USP3: variants seen among roughly 807,000 people sequenced by gnomAD.
The protein encoded by USP3 is ubiquitin specific peptidase 3, also known as ubiquitin carboxyl-terminal hydrolase 3.
USP3 carries 20 observed loss-of-function variants against 72.3 expected under a neutral mutation model. The ratio of observed to expected loss-of-function variants is 0.28; its 90% CI spans 0.19 to 0.40. The LOEUF (loss-of-function observed/expected upper bound fraction) is 0.40. Among genes scored for constraint, USP3 ranks in the 10% least tolerant of loss-of-function variants. The pLI is 1.00. For synonymous variants in USP3, 222 were observed against 225.3 expected, an observed-to-expected ratio of 0.99 and a Z score of 0.13; for missense variants, 479 against 633.9, an observed-to-expected ratio of 0.76 and a Z score of 2.62.
chr15:63,517,933 C>G (rs1050758004), intron 1 of USP3, among the ~76,000 whole-genome samples: 3 of 152,140 alleles, frequency 2.0e-5, no homozygotes, highest in Non-Finnish European at 4.4e-5. Context: ...GCTTTGGTTA[C>G]CTCACACTGT....
intron 1 of USP3, among the ~76,000 whole-genome samples, chr15:63,506,409 A>G (rs59307192): frequency 0.024 from 3,620 of 152,240 alleles, 137 homozygotes; most frequent in African/African-American, 0.08. Flanking sequence ...GGAGAAGCCT[A>G]CCTCACAGGG....
chr15:63,512,781 G>A (rs1229368836), intron 1 of USP3, among the ~76,000 whole-genome samples: 2 of 152,284 alleles, frequency 1.3e-5, no homozygotes, highest in Middle Eastern at 3.4e-3. Context: ...TATCTTTTCA[G>A]TGTGTGCTCT....
Position 63,529,944 on chromosome 15 carries a change from C to A in USP3, c.92-2703C>A, listed in dbSNP as rs1052421746. Reference sequence around the variant, plus strand: ...CTAAGGGATTCAAGACCAGTCTAGGCAACATAGTGAGACCCTGTCTCTACC... The same window carrying A: ...CTAAGGGATTCAAGACCAGTCTAGGAAACATAGTGAGACCCTGTCTCTACC... On this transcript the variant is annotated intron_variant, in intron 1 of 14. Transcript: ENST00000380324. This position sits in a 1 kb window ranked among gnomAD's most constrained non-coding sequence, Gnocchi z 4.2. Among the ~76,000 whole-genome samples, 1 of 152,090 alleles carries A rather than the reference C, an allele frequency of 6.6e-6. No homozygotes were observed. Among genetic ancestry groups the A allele is most frequent in the Non-Finnish European group, 1.5e-5 (1 of 67,998 alleles).
In USP3 at chr15:63,590,931, C is replaced by CTATT. The variant is rs764481231; in HGVS notation, c.*107_*110dup. 7.3e-7 allele frequency: 1 copy of CTATT among 1,364,784 alleles called. No homozygotes were observed. The highest frequency in any genetic ancestry group is 9.6e-7 in the Non-Finnish European group (1 of 1,039,816). 84.5% of individuals were successfully genotyped at this position (1,364,784 alleles called of 1,614,324 possible). ...ATTTCATTATGCACTTTTCAATTTC[C>CTATT]TATTTTGGATTTAGTTTTGTCAATG... On this transcript the variant is annotated 3_prime_UTR_variant, in exon 15 of 15. Transcript: ENST00000380324.
intron 11 of USP3, among the ~76,000 whole-genome samples, chr15:63,575,858 GAATTA>G (rs1040974333): frequency 6.6e-5 from 10 of 151,842 alleles, no homozygotes; most frequent in South Asian, 2.1e-4. Flanking sequence ...AAGTCAGTGA[GAATTA>G]AATTAAAGGA....
chr15:63,519,333 CTT>C (rs912507436), intron 1 of USP3, among the ~76,000 whole-genome samples: 1 of 143,584 alleles, frequency 7.0e-6, no homozygotes. Flanking sequence ...TGGCTTTTGG[CTT>C]TTTTTTTTTC....
At position 63,537,149 on chromosome 15, in the gene USP3, A is replaced by G. The variant is rs1374811990; in HGVS notation, c.277A>G (p.Thr93Ala). Reference protein sequence around the residue: ...TVCMDCSSYSTYCYRCDDFVV... With the variant: ...TVCMDCSSYSAYCYRCDDFVV... ...ATGTATGGATTGCAGTAGCTACAGTACATACTGGTAAGTTAACATTTTCTG... is the reference window on the plus strand; with the variant it reads ...ATGTATGGATTGCAGTAGCTACAGTGCATACTGGTAAGTTAACATTTTCTG... The change falls in exon 3 of 15, where the codon ACA becomes GCA. Residue 93 changes from threonine to alanine, a missense_variant. Thr to Ala is a moderately conservative substitution (Grantham distance 58). Coordinates refer to ENST00000380324, the MANE Select transcript of USP3 (RefSeq NM_006537.4). 2 of 1,610,990 alleles carry G rather than the reference A, an allele frequency of 1.2e-6. No individual in the cohort carries two copies. The highest frequency in any genetic ancestry group is 1.7e-6 in the Non-Finnish European group (2 of 1,179,074).
chr15:63,535,774 C>T (rs550105533), intron 2 of USP3, among the ~76,000 whole-genome samples: 7 of 152,310 alleles, frequency 4.6e-5, no homozygotes, highest in Admixed American at 2.6e-4. Flanking sequence ...TTCCCAGTTA[C>T]GGTAACTCTC....
chr15:63,581,813 G>T (rs1001851763), intron 11 of USP3, among the ~76,000 whole-genome samples: 44 of 151,992 alleles, frequency 2.9e-4, no homozygotes, highest in Non-Finnish European at 3.1e-4. Context: ...TCCCACCTCA[G>T]TCTCCTGGGA....
chr15:63,534,974 C>G (rs192429139), intron 2 of USP3, among the ~76,000 whole-genome samples: 2 of 152,186 alleles, frequency 1.3e-5, no homozygotes, highest in Non-Finnish European at 2.9e-5. Context: ...CTCTGTCACC[C>G]AGGCTGCAGT....
intron 1 of USP3, among the ~76,000 whole-genome samples, chr15:63,523,035 A>G (rs1387435913): frequency 2.0e-5 from 3 of 152,258 alleles, no homozygotes; most frequent in South Asian, 4.1e-4. Context: ...TCTAAAATGC[A>G]TTTTTCCTGA....
At chr15:63,514,810 T>C (rs925580618) in intron 1 of USP3, among the ~76,000 whole-genome samples, 12 of 152,192 alleles carry the variant, frequency 7.9e-5, no homozygotes, top group Admixed American at 3.9e-4. Flanking sequence ...GTGTTTACAT[T>C]TATGACCTGA....
intron 3 of USP3, among the ~76,000 whole-genome samples, chr15:63,545,277 G>T (rs1014531485): frequency 9.2e-5 from 14 of 152,006 alleles, no homozygotes; most frequent in Non-Finnish European, 2.1e-4. Context: ...TCTTTTTTCA[G>T]TGCACGGTAG....
Position 63,590,884 on chromosome 15 carries a change from C to T in USP3, c.*58C>T. 6.7e-7 allele frequency: 1 copy of T among 1,502,874 alleles called. No homozygotes were observed. Among genetic ancestry groups the T allele is most frequent in the Admixed American group, 2.2e-5 (1 of 45,454 alleles). The allele number at this position is 1,502,874 out of a possible 1,614,324, so 93.1% of individuals were successfully genotyped here. On this transcript the variant is annotated 3_prime_UTR_variant, in exon 15 of 15. Coordinates refer to ENST00000380324, the MANE Select transcript of USP3 (RefSeq NM_006537.4). The stretch of plus-strand genomic sequence containing the variant: ...CCAGAGAAACATTTCCAGTTTTCCA[C>T]AAATACTTGATACAAGATTTAATTT...
chr15:63,537,193 G>A, intron 3 of USP3, 37 bp downstream of exon 3: 1 of 1,591,370 alleles, frequency 6.3e-7, no homozygotes, highest in East Asian at 2.3e-5. Flanking sequence ...ATTTCTTACT[G>A]TGTGCAAGTG....
At chr15:63,537,722 G>A (rs2066179466) in intron 3 of USP3, among the ~76,000 whole-genome samples, 1 of 152,030 alleles carries the variant, frequency 6.6e-6, no homozygotes, top group Admixed American at 6.5e-5. Flanking sequence ...TTTCGCTCTT[G>A]CTGCCCAGGC....
At chr15:63,584,380 G>A (rs1358175766) in intron 11 of USP3, among the ~76,000 whole-genome samples, 2 of 152,150 alleles carry the variant, frequency 1.3e-5, no homozygotes, top group African/African-American at 2.4e-5. Context: ...TTACAGGTGT[G>A]AGGCACCGCA....
chr15:63,582,681 A>G lies in USP3; in HGVS notation c.1097-5624A>G, dbSNP rs115009451. On this transcript the variant is annotated intron_variant, in intron 11 of 14. Transcript: ENST00000380324. ...ACCTTGTAAGTTTAAGCAACTCAAA[A>G]AGGCAGGGAGGAAGAAAATGTTGGA... 5.3e-3 allele frequency among the ~76,000 whole-genome samples: 807 copies of G among 152,298 alleles called. 11 individuals carry two copies. The highest frequency in any genetic ancestry group is 0.019 in the African/African-American group (771 of 41,556).
At chr15:63,525,517 C>T (rs2065970270) in intron 1 of USP3, among the ~76,000 whole-genome samples, 1 of 152,174 alleles carries the variant, frequency 6.6e-6, no homozygotes, top group South Asian at 2.1e-4. Context: ...TTGGCAGTTG[C>T]TTCATGTAGC....
Sources: gnomAD v4.1 joint callset for allele counts (sites outside exome capture counted in the v4.1 genomes callset) on GRCh38, gnomAD v4.1.1 for gene constraint, Gnocchi (gnomAD v3.1) non-coding constraint, MANE v1.5 for transcripts, NCBI Gene and HGNC (gene_info 2026-07-23, HGNC 2026-07-21) for gene names.